The following CEP350 variants were observed in gnomAD, a reference collection of about 807,000 sequenced individuals.
CEP350 encodes the protein centrosome-associated protein 350.
A neutral mutation model predicts 331.8 loss-of-function variants in CEP350; 126 were observed. The ratio of observed to expected loss-of-function variants is 0.38; its 90% CI spans 0.33 to 0.44. CEP350 has a LOEUF of 0.44. Among genes scored for constraint, CEP350 ranks in the 20% least tolerant of loss-of-function variants. The pLI, the probability that CEP350 is intolerant of heterozygous loss-of-function variation, is 1.00. For synonymous variants in CEP350, 1,200 were observed against 1,259.5 expected (o/e 0.95, Z 1.00); for missense variants, 3,406 against 3,634.6 (o/e 0.94, Z 1.62).
chr1:179,999,330 A>G (rs1316078372), intron 6 of CEP350, among the ~76,000 whole-genome samples: 1 of 152,140 alleles, frequency 6.6e-6, no homozygotes, highest in African/African-American at 2.4e-5. Context: ...TGGATTTCCC[A>G]TAATCCTTTT....
chr1:180,021,323 C>T (rs1053041636), intron 12 of CEP350, among the ~76,000 whole-genome samples: 3 of 152,024 alleles, frequency 2.0e-5, no homozygotes, highest in Admixed American at 6.6e-5. Context: ...CACGTATATA[C>T]TACATTTTCT....
At chr1:180,082,394 T>C (rs957013848) in intron 30 of CEP350, among the ~76,000 whole-genome samples, 2 of 152,184 alleles carry the variant, frequency 1.3e-5, no homozygotes, top group African/African-American at 2.4e-5. Flanking sequence ...CAAGCTAATA[T>C]AATCAGTGTG....
At chr1:180,051,564 A>C (rs913894746) in intron 22 of CEP350, among the ~76,000 whole-genome samples, 2 of 152,224 alleles carry the variant, frequency 1.3e-5, no homozygotes, top group African/African-American at 2.4e-5. Context: ...TGTATTTGTC[A>C]AAACCTTGAA....
rs1558115926 is a variant in CEP350, at chr1:180,034,012, T to A, written c.3876T>A (p.Pro1292=). 3 of 1,613,880 alleles carry A rather than the reference T, an allele frequency of 1.9e-6. No individual in the cohort carries two copies. The highest frequency in any genetic ancestry group is 2.5e-6 in the Non-Finnish European group (3 of 1,179,812). ...VMPPTITGFK[P]NAPLTDLNPA... is the part of the protein sequence containing the mutation. ...CTCCAACTATAACAGGATTTAAGCCTAATGCACCTCTCACTGATCTGAACC... is the reference window on the plus strand; with the variant it reads ...CTCCAACTATAACAGGATTTAAGCCAAATGCACCTCTCACTGATCTGAACC... The change falls in exon 16 of 38, where the codon CCT becomes CCA. Residue 1292 remains proline (P), a synonymous_variant. Transcript: ENST00000367607.
In CEP350 at chr1:180,054,459, G is replaced by T; in HGVS notation, c.5219G>T (p.Arg1740Leu). ...GAGGATGATAAAATGCCCCCGCTCCGGAAGAAACAGCGTGGTTTGCTTTTA... is the reference window on the plus strand; with the variant it reads ...GAGGATGATAAAATGCCCCCGCTCCTGAAGAAACAGCGTGGTTTGCTTTTA... ...KGEDDKMPPL[R>L]KKQRGLLLRL... Residue 1740 changes from arginine (R) to leucine (L), a missense_variant, in exon 25 of 38, where the codon CGG (arginine) becomes CTG (leucine). Physicochemically the swap from Arg to Leu is moderately radical, Grantham distance 102 (BLOSUM62 -2). Coordinates refer to ENST00000367607, the MANE Select transcript of CEP350 (RefSeq NM_014810.5). 6.2e-7 allele frequency: 1 copy of T among 1,601,972 alleles called. No individual in the cohort carries two copies. Among genetic ancestry groups the T allele is most frequent in the Non-Finnish European group, 8.5e-7 (1 of 1,174,022 alleles).
intron 17 of CEP350, among the ~76,000 whole-genome samples, chr1:180,039,618 A>G (rs538503522): frequency 7.2e-5 from 11 of 152,238 alleles, no homozygotes; most frequent in African/African-American, 2.6e-4. Flanking sequence ...CCATTAATCT[A>G]TTCATCTATC....
chr1:180,067,306 T>C (rs1396297782), intron 27 of CEP350, among the ~76,000 whole-genome samples: 1 of 152,198 alleles, frequency 6.6e-6, no homozygotes, highest in Non-Finnish European at 1.5e-5. Context: ...AGTGACTTTT[T>C]GATCTGTTTG....
chr1:180,027,324 C>T (rs973698317), intron 14 of CEP350, among the ~76,000 whole-genome samples: 12 of 152,214 alleles, frequency 7.9e-5, no homozygotes, highest in African/African-American at 2.9e-4. Context: ...GTAAGGATTA[C>T]CCACTAAATA....
chr1:179,956,353 CTG>C (rs773898294), intron 1 of CEP350, among the ~76,000 whole-genome samples: 4 of 152,166 alleles, frequency 2.6e-5, no homozygotes, highest in Admixed American at 2.0e-4. Flanking sequence ...ATGTGTATCT[CTG>C]TATCTCTTCA....
chr1:180,006,391 C>A, intron 7 of CEP350, 63 bp from the exon 8 acceptor site: 4 of 840,562 alleles, frequency 4.8e-6, no homozygotes, highest in Non-Finnish European at 7.9e-6. Flanking sequence ...TTCCTATGGG[C>A]GGAGGATAAG....
At chr1:180,022,092 T>C (rs1655359820) in intron 12 of CEP350, among the ~76,000 whole-genome samples, 1 of 152,218 alleles carries the variant, frequency 6.6e-6, no homozygotes, top group Non-Finnish European at 1.5e-5. Flanking sequence ...TGCTTTTTCC[T>C]AGAATTCATA....
At chr1:179,997,272 A>T (rs980574662) in intron 6 of CEP350, 97 bp downstream of exon 6, 2 of 1,400,330 alleles carry the variant, frequency 1.4e-6, no homozygotes, top group Non-Finnish European at 1.9e-6. Flanking sequence ...TTAGAACAGG[A>T]TGTTATTCTT....
intron 16 of CEP350, among the ~76,000 whole-genome samples, chr1:180,035,970 C>T (rs1656325840): frequency 6.6e-6 from 1 of 152,164 alleles, no homozygotes. Context: ...ATTCACTGTT[C>T]TAGATGCCAT....
rs773564921 is a variant in CEP350, at chr1:180,041,712, T to C, written c.4272T>C (p.Thr1424=). ...TGGTTCAATCACAACGGGAAGTAAC[T>C]GAAGTCCTGCAGGAAGCAACGTGTA... is the stretch of plus-strand genomic sequence containing the variant. The part of the protein sequence containing the change: ...QQVVQSQREV[T]EVLQEATCKI... The change falls in exon 19 of 38, where the codon ACT becomes ACC. Residue 1424 remains threonine (T), a synonymous_variant. Coordinates refer to ENST00000367607, the MANE Select transcript of CEP350 (RefSeq NM_014810.5). 3 of 1,613,772 alleles carry C rather than the reference T, an allele frequency of 1.9e-6. No individual in the cohort carries two copies. The highest frequency in any genetic ancestry group is 2.5e-6 in the Non-Finnish European group (3 of 1,179,786).
At chr1:179,988,172 C>T (rs1211105581) in intron 3 of CEP350, among the ~76,000 whole-genome samples, 1 of 151,852 alleles carries the variant, frequency 6.6e-6, no homozygotes, top group Non-Finnish European at 1.5e-5. Context: ...TGGCATGTGC[C>T]TGTGGTCCCA....
chr1:180,032,116 C>T (rs1656065281), intron 15 of CEP350, among the ~76,000 whole-genome samples: 2 of 152,046 alleles, frequency 1.3e-5, no homozygotes, highest in Non-Finnish European at 2.9e-5. Context: ...ATATTGTATA[C>T]GATGCACTTA....
intron 22 of CEP350, among the ~76,000 whole-genome samples, chr1:180,051,356 T>A (rs572265597): frequency 6.6e-6 from 1 of 152,320 alleles, no homozygotes; most frequent in Admixed American, 6.5e-5. Context: ...CCCAAAAGTC[T>A]GTGTATTATA....
chr1:180,101,966 T>A (rs1660842777), intron 37 of CEP350, among the ~76,000 whole-genome samples: 1 of 152,156 alleles, frequency 6.6e-6, no homozygotes, highest in Non-Finnish European at 1.5e-5. Context: ...CTACCTGAAC[T>A]CTTTCCTCTT....
At chr1:180,044,840 T>A (rs554835845) in intron 21 of CEP350, among the ~76,000 whole-genome samples, 51 of 144,966 alleles carry the variant, frequency 3.5e-4, no homozygotes, top group African/African-American at 6.3e-4. Context: ...TAATAAAATT[T>A]AAAAAAAAAG....
Sources: gnomAD v4.1 joint callset for allele counts (sites outside exome capture counted in the v4.1 genomes callset) on GRCh38, gnomAD v4.1.1 for gene constraint, MANE v1.5 for transcripts, NCBI Gene and HGNC (gene_info 2026-07-23, HGNC 2026-07-21) for gene names.